The following TYW1 variants were observed in gnomAD, a reference collection of about 807,000 sequenced individuals.
TYW1 encodes the protein S-adenosyl-L-methionine-dependent tRNA 4-demethylwyosine synthase TYW1.
TYW1 carries 46 observed loss-of-function variants against 96.2 expected under a neutral mutation model. The observed-to-expected ratio is 0.48, with a 90% CI of 0.38 to 0.61. The LOEUF (loss-of-function observed/expected upper bound fraction) is 0.61. TYW1 is among the 20% of genes least tolerant of loss of function. TYW1 has a pLI of 0.00. For synonymous variants in TYW1, 274 were observed against 323.0 expected, an observed-to-expected ratio of 0.85 and a Z score of 1.63; for missense variants, 684 against 909.6, an observed-to-expected ratio of 0.75 and a Z score of 3.19.
chr7:67,081,341 T>A (rs1267350800), intron 10 of TYW1, among the ~76,000 whole-genome samples: 1 of 151,552 alleles, frequency 6.6e-6, no homozygotes, highest in Non-Finnish European at 1.5e-5. Context: ...TGTGACGTGA[T>A]GCTTTTCAAT....
At chr7:67,045,386 A>G (rs1328683414) in intron 7 of TYW1, among the ~76,000 whole-genome samples, 1 of 152,024 alleles carries the variant, frequency 6.6e-6, no homozygotes, top group East Asian at 1.9e-4. Context: ...AATTAAAAAA[A>G]AATTTTTTTT....
intron 13 of TYW1, among the ~76,000 whole-genome samples, chr7:67,119,119 C>CTCCT (rs10591832): frequency 1.7e-4 from 26 of 150,122 alleles, no homozygotes; most frequent in African/African-American, 6.4e-4. Flanking sequence ...TCCATTAATC[C>CTCCT]TCCTTCCTTC....
At chr7:67,020,900 C>T (rs1183327955) in intron 6 of TYW1, among the ~76,000 whole-genome samples, 2 of 152,254 alleles carry the variant, frequency 1.3e-5, no homozygotes, top group Non-Finnish European at 2.9e-5. Context: ...TGCTGGCAGG[C>T]ACCTGTAATC....
chr7:67,006,948 CTTTTTTTTTTTT>C (rs34475001), intron 3 of TYW1, among the ~76,000 whole-genome samples: 10 of 45,120 alleles, frequency 2.2e-4, no homozygotes, highest in East Asian at 1.5e-3. Flanking sequence ...AGATGTGAGG[CTTTTTTTTTTTT>C]TTTTTTTTTT....
At chr7:67,021,032 AAAAAT>A (rs1279564504) in intron 6 of TYW1, among the ~76,000 whole-genome samples, 1 of 152,286 alleles carries the variant, frequency 6.6e-6, no homozygotes, top group Non-Finnish European at 1.5e-5. Flanking sequence ...TGTCTCCAAA[AAAAAT>A]AAAAAACAAA....
At chr7:67,203,175 C>T (rs2116367160) in intron 15 of TYW1, among the ~76,000 whole-genome samples, 1 of 152,348 alleles carries the variant, frequency 6.6e-6, no homozygotes, top group Non-Finnish European at 1.5e-5. Context: ...TAATCTCCTC[C>T]ATCTCTGTAG....
At chr7:67,238,124 G>A (rs944888975) in intron 15 of TYW1, among the ~76,000 whole-genome samples, 184 bp from the exon 16 acceptor site, 13 of 151,382 alleles carry the variant, frequency 8.6e-5, no homozygotes, top group Non-Finnish European at 5.9e-5. Flanking sequence ...TGATTGTAGC[G>A]CATCTTGGTT....
At chr7:67,147,500 G>A (rs1029387222) in intron 13 of TYW1, among the ~76,000 whole-genome samples, 2 of 151,984 alleles carry the variant, frequency 1.3e-5, no homozygotes, top group African/African-American at 2.4e-5. Flanking sequence ...ATGGGAGTTC[G>A]TTGTACAGAT....
At chr7:67,093,785 G>C (rs541646937) in intron 11 of TYW1, among the ~76,000 whole-genome samples, 1 of 152,224 alleles carries the variant, frequency 6.6e-6, no homozygotes, top group Non-Finnish European at 1.5e-5. Flanking sequence ...GTCATGCTTA[G>C]ATTGTTCTCA....
rs576812411 is a variant in TYW1 at position 67,157,852 on chromosome 7, C to T, written c.1699-25274C>T. Among the ~76,000 whole-genome samples, 10 of 152,162 alleles carry T rather than the reference C, an allele frequency of 6.6e-5. No homozygotes were observed. In the South Asian group the frequency reaches 1.9e-3, roughly 28 times the overall value. Reference sequence around the variant, plus strand: ...TCTGATACTTTTCTTGTGATGAAATCGTGCTTATGTGTTTTGGGGAGGAAG... The same window carrying T: ...TCTGATACTTTTCTTGTGATGAAATTGTGCTTATGTGTTTTGGGGAGGAAG... On this transcript the variant is annotated intron_variant, in intron 13 of 15. Coordinates refer to ENST00000359626, the MANE Select transcript of TYW1 (RefSeq NM_018264.4).
chr7:67,096,221 C>T (rs938384465), intron 11 of TYW1, among the ~76,000 whole-genome samples: 6 of 152,134 alleles, frequency 3.9e-5, no homozygotes, highest in Non-Finnish European at 8.8e-5. Flanking sequence ...AACCACATCT[C>T]TACTGAAACT....
chr7:67,229,751 C>A (rs1801688526), intron 15 of TYW1, among the ~76,000 whole-genome samples: 1 of 152,152 alleles, frequency 6.6e-6, no homozygotes, highest in Non-Finnish European at 1.5e-5. Flanking sequence ...TCCTGGAATT[C>A]AAGACCATCC....
intron 15 of TYW1, among the ~76,000 whole-genome samples, chr7:67,204,867 A>G (rs1426589437): frequency 6.6e-6 from 1 of 152,098 alleles, no homozygotes; most frequent in Non-Finnish European, 1.5e-5. Context: ...GATTACAGGC[A>G]TGAGCCACCA....
chr7:67,142,237 A>G (rs1798472889), intron 13 of TYW1, among the ~76,000 whole-genome samples: 1 of 151,888 alleles, frequency 6.6e-6, no homozygotes, highest in African/African-American at 2.4e-5. Flanking sequence ...CTGAGACTAC[A>G]GGCATGTGTC....
In TYW1 at chr7:67,014,571, T is replaced by C. The variant is rs754708521; in HGVS notation, c.570+10T>C. On this transcript the variant is annotated intron_variant, in intron 5 of 15. Transcript: ENST00000359626. ...TAGCCACTTCAACAAGGTAGGTCTA[T>C]ATTGAATTATAGGAATAAATTCTCC... 1.3e-6 allele frequency: 2 copies of C among 1,595,670 alleles called. No individual in the cohort carries two copies. The highest frequency in any genetic ancestry group is 1.3e-5 in the African/African-American group (1 of 74,590).
chr7:67,111,912 C>T (rs373153572), intron 12 of TYW1, among the ~76,000 whole-genome samples: 5 of 151,960 alleles, frequency 3.3e-5, no homozygotes, highest in Admixed American at 6.6e-5. Flanking sequence ...GCCTGGCCAA[C>T]GTGGCGAAAC....
Position 67,146,487 on chromosome 7 carries a change from A to G in TYW1, c.1698+28869A>G, listed in dbSNP as rs1039677264. Among the ~76,000 whole-genome samples, 11 of 148,002 alleles carry G rather than the reference A, an allele frequency of 7.4e-5. No homozygotes were observed. The East Asian group carries it at 9.7e-4, about 13-fold the overall frequency. Reference sequence around the variant, plus strand: ...GAGAGATGAAAAATAAAAATATAACATAGGCTACTGCCACTGAACACAATG... The same window carrying G: ...GAGAGATGAAAAATAAAAATATAACGTAGGCTACTGCCACTGAACACAATG... On this transcript the variant is annotated intron_variant, in intron 13 of 15. Coordinates refer to ENST00000359626, the MANE Select transcript of TYW1 (RefSeq NM_018264.4).
At chr7:67,115,271 C>T (rs1797560689) in intron 12 of TYW1, among the ~76,000 whole-genome samples, 1 of 147,510 alleles carries the variant, frequency 6.8e-6, no homozygotes, top group African/African-American at 2.5e-5. Context: ...AATAGAAGTC[C>T]AGTTAAGGAA....
At chr7:67,204,457 C>CTCCT (rs1554392757) in intron 15 of TYW1, among the ~76,000 whole-genome samples, 1 of 150,562 alleles carries the variant, frequency 6.6e-6, no homozygotes, top group Non-Finnish European at 1.5e-5. Context: ...TTAACTATTT[C>CTCCT]TCCTTCCTCC....
Sources: allele counts gnomAD v4.1 joint callset (sites outside exome capture counted in the v4.1 genomes callset), GRCh38; gene constraint gnomAD v4.1.1; transcripts MANE v1.5; gene names NCBI Gene and HGNC (gene_info 2026-07-23, HGNC 2026-07-21).